WNK2: variants seen among roughly 807,000 people sequenced by gnomAD.
WNK2 encodes the protein WNK lysine deficient protein kinase 2, also known as serine/threonine-protein kinase WNK2.
A neutral mutation model predicts 192.1 loss-of-function variants in WNK2; 67 were observed. That is an observed-to-expected ratio of 0.35 (90% CI 0.29 to 0.43). WNK2 has a LOEUF of 0.43. Among genes scored for constraint, WNK2 ranks in the 20% least tolerant of loss-of-function variants. The probability of loss-of-function intolerance (pLI) is 1.00; values close to 1 mark genes in which losing one functional copy is unlikely to be tolerated. For synonymous variants in WNK2, 1,439 were observed against 1,393.9 expected, an observed-to-expected ratio of 1.03 and a Z score of -0.72; for missense variants, 2,698 against 3,089.7, an observed-to-expected ratio of 0.87 and a Z score of 3.01.
chr9:93,212,425 A>G (rs908370945), intron 2 of WNK2, among the ~76,000 whole-genome samples: 68 of 152,198 alleles, frequency 4.5e-4, no homozygotes, highest in African/African-American at 1.6e-3. Context: ...TCTGGCTGAC[A>G]GATGACTACT....
chr9:93,236,958 G>A (rs1004320034), intron 5 of WNK2, among the ~76,000 whole-genome samples: 2 of 152,262 alleles, frequency 1.3e-5, no homozygotes, highest in Non-Finnish European at 2.9e-5. Flanking sequence ...TCCAGAGACT[G>A]ACTGCTGCAT....
chr9:93,306,691 G>A (rs567864051), intron 26 of WNK2, 86 bp from the exon 27 acceptor site: 20 of 1,547,248 alleles, frequency 1.3e-5, no homozygotes, highest in Admixed American at 8.4e-5. Context: ...GCACACTGAC[G>A]ACTTTTGCTT....
intron 2 of WNK2, among the ~76,000 whole-genome samples, chr9:93,221,781 T>C (rs1336695683): frequency 6.6e-6 from 1 of 152,158 alleles, no homozygotes; most frequent in Non-Finnish European, 1.5e-5. Context: ...GTGAGAGGCT[T>C]TCGGGAAGAG....
At chr9:93,245,706 G>C (rs933236718) in intron 7 of WNK2, among the ~76,000 whole-genome samples, 1 of 152,204 alleles carries the variant, frequency 6.6e-6, no homozygotes, top group Non-Finnish European at 1.5e-5. Flanking sequence ...GTGGCCTCAT[G>C]GTTTTCTGTT....
chr9:93,244,755 G>A (rs928832947), intron 7 of WNK2, among the ~76,000 whole-genome samples: 2 of 152,186 alleles, frequency 1.3e-5, no homozygotes, highest in South Asian at 2.1e-4. Context: ...GCATACCTGC[G>A]CCCAGGTGCC....
At chr9:93,252,856 T>C (rs1263744645) in intron 8 of WNK2, 27 bp from the exon 9 acceptor site, 2 of 1,388,900 alleles carry the variant, frequency 1.4e-6, no homozygotes, top group South Asian at 1.7e-5. Context: ...AGATGTCCAC[T>C]CTAAGTCCTG....
intron 19 of WNK2, among the ~76,000 whole-genome samples, chr9:93,285,371 A>G (rs999564600): frequency 2.0e-5 from 3 of 152,226 alleles, no homozygotes; most frequent in African/African-American, 7.2e-5. Context: ...TTAAATTTAC[A>G]GATAAATTGG....
intron 2 of WNK2, 56 bp downstream of exon 2, chr9:93,185,666 C>G (rs1829161680): frequency 6.4e-7 from 1 of 1,556,632 alleles, no homozygotes; most frequent in Admixed American, 1.9e-5. Context: ...GCGAGTGCGT[C>G]CTTGGGCCTG....
chr9:93,264,098 C>T lies in WNK2; in HGVS notation c.3696+65C>T, dbSNP rs560503070. The T allele has an allele frequency of 1.1e-4, 133 of 1,241,974 alleles. 2 individuals are homozygous for T. The African/African-American group carries it at 1.5e-3, about 14-fold the overall frequency. The allele number at this position is 1,241,974 out of a possible 1,614,324, so 76.9% of individuals were successfully genotyped here. A position where few individuals can be genotyped will look rare whatever the true frequency, so the allele number is the denominator to read the frequency against. On this transcript the variant is annotated intron_variant, in intron 16 of 29. Coordinates refer to ENST00000427277, the MANE Select transcript of WNK2 (RefSeq NM_006648.4). ...TGGACACGTGTGGGCCTGAGCAGAG[C>T]GCCACAGGTCACATGTCGAGCCTGG...
At chr9:93,310,203 G>A (rs557172738) in intron 28 of WNK2, among the ~76,000 whole-genome samples, 6 of 152,234 alleles carry the variant, frequency 3.9e-5, no homozygotes, top group South Asian at 4.2e-4. Flanking sequence ...GTACACCTCC[G>A]CCAGTCTGAG....
chr9:93,259,015 G>A lies in WNK2; in HGVS notation c.2467G>A (p.Ala823Thr), dbSNP rs572678262. The A allele has an allele frequency of 1.9e-5, 31 of 1,612,514 alleles. No individual in the cohort carries two copies. In the East Asian group the frequency reaches 5.6e-4, roughly 29 times the overall value. ...TCCGGCCCTCCCAGACCTGCCGACC[G>A]CGACTGTGCCTCCCGTGCCACCACC... ...LPPALPDLPT[A>T]TVPPVPPPQY... The change falls in exon 12 of 30, where the codon GCG becomes ACG. Residue 823 changes from alanine (A) to threonine (T), a missense_variant. Physicochemically the swap from Ala to Thr is moderately conservative, Grantham distance 58 (BLOSUM62 0). This residue lies in a region of WNK2 where 893 missense variants were observed against 909.0 expected (regional missense o/e 0.98). Transcript: ENST00000427277. The surrounding 1 kb of genome is among the most constrained non-coding windows in gnomAD (Gnocchi z 4.8).
In WNK2 at chr9:93,289,198, C is replaced by G; in HGVS notation, c.4444C>G (p.Pro1482Ala). The G allele has an allele frequency of 1.2e-6, 2 of 1,602,762 alleles. No homozygotes were observed. The highest frequency in any genetic ancestry group is 1.7e-4 in the Middle Eastern group (1 of 6,002). Residue 1482 changes from proline (P) to alanine (A), a missense_variant, in exon 20 of 30, where the codon CCC becomes GCC. By Grantham distance (27) the Pro-to-Ala change is conservative. Transcript: ENST00000427277. ...GCCCCTGCCACCTCCTGCACCTGAG[C>G]CCAGCCCCCACAGCGGGACCCCACA... ...REPLPPPAPE[P>A]SPHSGTPQPA...
intron 19 of WNK2, among the ~76,000 whole-genome samples, chr9:93,284,823 A>G (rs182095452): frequency 6.6e-4 from 101 of 152,276 alleles, no homozygotes; most frequent in Admixed American, 1.6e-3. Flanking sequence ...CAAACACTTT[A>G]TTTTTCATTT....
rs1277133822 is a variant in WNK2, at chr9:93,301,410, C to T, written c.6214+1261C>T. 2.6e-5 allele frequency among the ~76,000 whole-genome samples: 4 copies of T among 152,252 alleles called. No homozygotes were observed. In the East Asian group the frequency reaches 7.7e-4, roughly 29 times the overall value. ...GTCATCATTCTCCGGGCAGGCAATT[C>T]GAGGACACAAGGGCCATGTAGGAAT... On this transcript the variant is annotated intron_variant, in intron 26 of 29. Coordinates refer to ENST00000427277, the MANE Select transcript of WNK2 (RefSeq NM_006648.4).
intron 2 of WNK2, among the ~76,000 whole-genome samples, chr9:93,214,701 C>CT (rs949954701): frequency 6.9e-5 from 4 of 57,578 alleles, no homozygotes; most frequent in Non-Finnish European, 1.3e-4. Context: ...GGTAGTGCCC[C>CT]CCCCCCCCCC....
At chr9:93,240,003 TG>T (rs1840478874) in intron 7 of WNK2, 27 bp downstream of exon 7, 3 of 1,593,242 alleles carry the variant, frequency 1.9e-6, no homozygotes, top group Non-Finnish European at 2.6e-6. Flanking sequence ...TGGGGTGAGG[TG>T]GGTGCAGGTG....
intron 28 of WNK2, among the ~76,000 whole-genome samples, chr9:93,309,853 A>G (rs1380696962): frequency 6.6e-6 from 1 of 152,214 alleles, no homozygotes; most frequent in Non-Finnish European, 1.5e-5. Flanking sequence ...AGTGCCCACT[A>G]ATGGTTTTAG....
intron 2 of WNK2, among the ~76,000 whole-genome samples, chr9:93,213,333 T>G (rs1486633755): frequency 1.3e-5 from 2 of 152,214 alleles, no homozygotes; most frequent in Non-Finnish European, 2.9e-5. Flanking sequence ...ATTCATATTT[T>G]TTGGTCATTA....
rs1206710463 is a variant in WNK2 at position 93,234,818 on chromosome 9, G to A, written c.1086G>A (p.Glu362=). 1 of 1,613,158 alleles carries A rather than the reference G, an allele frequency of 6.2e-7. No individual in the cohort carries two copies. The highest frequency in any genetic ancestry group is 1.1e-5 in the South Asian group (1 of 91,058). ...SFAKSVIGTP[E]FMAPEMYEEH... ...TGCTTCCGGGCACAGGTACTCCCGA[G>A]TTCATGGCGCCCGAGATGTACGAGG... The change falls in exon 5 of 30, where the codon GAG becomes GAA. Residue 362 remains glutamate, a synonymous_variant. Transcript: ENST00000427277.
Sources: gnomAD v4.1 joint callset for allele counts (sites outside exome capture counted in the v4.1 genomes callset) on GRCh38, gnomAD v4.1.1 for gene constraint, gnomAD v4.1.1 regional missense constraint, Gnocchi (gnomAD v3.1) non-coding constraint, MANE v1.5 for transcripts, NCBI Gene and HGNC (gene_info 2026-07-23, HGNC 2026-07-21) for gene names.